The following ESPL1 variants were observed in gnomAD, a reference collection of about 807,000 sequenced individuals.
ESPL1 encodes extra spindle pole bodies like 1, separase, also known as separin.
ESPL1 carries 50 observed loss-of-function variants against 217.2 expected under a neutral mutation model. That is an observed-to-expected ratio of 0.23 (90% confidence interval 0.18 to 0.29). The LOEUF (loss-of-function observed/expected upper bound fraction) is 0.29. Among genes scored for constraint, ESPL1 ranks in the 10% least tolerant of loss-of-function variants. The pLI, the probability that ESPL1 is intolerant of heterozygous loss-of-function variation, is 1.00. For synonymous variants in ESPL1, 994 were observed against 1,081.3 expected, an observed-to-expected ratio of 0.92 and a Z score of 1.58; for missense variants, 1,834 against 2,603.0, an observed-to-expected ratio of 0.70 and a Z score of 6.43.
chr12:53,283,212 C>G lies in ESPL1; in HGVS notation c.2875C>G (p.Leu959Val), dbSNP rs1016790918. The change falls in exon 15 of 31, where the codon CTC becomes GTC. Residue 959 changes from leucine (L) to valine (V), a missense_variant. By Grantham distance (32) the Leu-to-Val change is conservative (BLOSUM62 1). Coordinates refer to ENST00000257934, the MANE Select transcript of ESPL1 (RefSeq NM_012291.5). ...CCTCCTGCTGATGGGCAGTGACATT[C>G]TCTCAACTCAGAAAGCAGCTGTGGA... ...IILLLMGSDI[L>V]STQKAAVETS... 4 of 1,614,206 alleles carry G rather than the reference C, an allele frequency of 2.5e-6. No homozygotes were observed. The highest frequency in any genetic ancestry group is 1.7e-6 in the Non-Finnish European group (2 of 1,180,030).
chr12:53,277,755 G>T, intron 10 of ESPL1, 66 bp from the exon 11 acceptor site: 1 of 1,593,516 alleles, frequency 6.3e-7, no homozygotes, highest in South Asian at 1.1e-5. Context: ...GGATGTTATG[G>T]AGGAAGGGAA....
At chr12:53,273,611 T>C (rs1489598378) in intron 6 of ESPL1, among the ~76,000 whole-genome samples, 2 of 150,662 alleles carry the variant, frequency 1.3e-5, no homozygotes, top group Non-Finnish European at 3.0e-5. Context: ...ATACAAACAT[T>C]AGCCAGGCGT....
Position 53,270,138 on chromosome 12 carries a change from C to T in ESPL1, c.1143+53C>T, listed in dbSNP as rs1053784080. On this transcript the variant is annotated intron_variant, in intron 3 of 30. Transcript: ENST00000257934. The stretch of plus-strand genomic sequence containing the variant: ...GGGACGTGGTCTGTGGACTCACTAC[C>T]AGCCTAGGGTATTTGGCAAGATCTG... 3.4e-6 allele frequency: 5 copies of T among 1,461,334 alleles called. No homozygotes were observed. In the Admixed American group the frequency reaches 5.8e-5, roughly 17 times the overall value. 90.5% of individuals were successfully genotyped at this position (1,461,334 alleles called of 1,614,324 possible). A position where few individuals can be genotyped will look rare whatever the true frequency, so the allele number is the denominator to read the frequency against.
chr12:53,291,656 G>A lies in ESPL1; in HGVS notation c.5521-34G>A, dbSNP rs186806737. 47 of 1,591,918 alleles carry A rather than the reference G, an allele frequency of 3.0e-5. No individual in the cohort carries two copies. The East Asian group carries it at 5.8e-4, about 20-fold the overall frequency. ...TCCTTTCCCAGCAGCTATCATGAATGAAGATGGTGCTCACCACCACTGTTT... is the reference window on the plus strand; with the variant it reads ...TCCTTTCCCAGCAGCTATCATGAATAAAGATGGTGCTCACCACCACTGTTT... On this transcript the variant is annotated intron_variant, in intron 25 of 30. Transcript: ENST00000257934.
chr12:53,278,087 G>GT, intron 11 of ESPL1, 127 bp downstream of exon 11: 1 of 942,474 alleles, frequency 1.1e-6, no homozygotes. Flanking sequence ...GCGCAGGGCT[G>GT]TATCACCAGT....
chr12:53,271,456 G>A (rs968341858), intron 5 of ESPL1, among the ~76,000 whole-genome samples: 3 of 151,928 alleles, frequency 2.0e-5, no homozygotes, highest in Non-Finnish European at 4.4e-5. Context: ...TCCTGGACTC[G>A]AGTGATCTGC....
Position 53,286,805 on chromosome 12 carries a change from G to T in ESPL1, c.4069G>T (p.Gly1357Cys). 6.2e-7 allele frequency: 1 copy of T among 1,614,134 alleles called. No individual in the cohort carries two copies. Among genetic ancestry groups the T allele is most frequent in the Non-Finnish European group, 8.5e-7 (1 of 1,180,038 alleles). ...PKPPDRIRQA[G>C]PHVPFTVFEE... ...ACCCCCAGACCGGATCAGGCAAGCT[G>T]GCCCTCATGTCCCCTTCACGGTGTT... Residue 1357 changes from glycine (G) to cysteine (C), a missense_variant, in exon 18 of 31, where the codon GGC becomes TGC. Coordinates refer to ENST00000257934, the MANE Select transcript of ESPL1 (RefSeq NM_012291.5). The surrounding 1 kb of genome is among the most constrained non-coding windows in gnomAD (Gnocchi z 5.3).
Position 53,270,507 on chromosome 12 carries a change from T to A in ESPL1, c.1248+25T>A, listed in dbSNP as rs1243274450. 8.8e-6 allele frequency: 14 copies of A among 1,587,808 alleles called. No individual in the cohort carries two copies. The East Asian group carries it at 3.1e-4, about 35-fold the overall frequency. On this transcript the variant is annotated intron_variant, in intron 4 of 30. Coordinates refer to ENST00000257934, the MANE Select transcript of ESPL1 (RefSeq NM_012291.5). ...GGTACTGTCTGGGAATCAAGGTACC[T>A]GGACTAGGCTCATAGGGTTTGGGGT...
chr12:53,291,624 G>A (rs1309620242), intron 25 of ESPL1, 66 bp from the exon 26 acceptor site: 46 of 1,510,626 alleles, frequency 3.0e-5, no homozygotes, highest in Non-Finnish European at 4.2e-5. Context: ...GAAGAAACTG[G>A]ACTTAATCCT....
In ESPL1 at chr12:53,268,774, G is replaced by A. The variant is rs1943612814; in HGVS notation, c.8G>A (p.Ser3Asn). 6.2e-7 allele frequency: 1 copy of A among 1,610,660 alleles called. No homozygotes were observed. Among genetic ancestry groups the A allele is most frequent in the South Asian group, 1.1e-5 (1 of 90,508 alleles). Residue 3 changes from serine (S) to asparagine (N), a missense_variant, in exon 2 of 31, where the codon AGC (serine) becomes AAC (asparagine). This residue lies in a region of ESPL1 where 746 missense variants were observed against 1,077.0 expected (regional missense o/e 0.69). Coordinates refer to ENST00000257934, the MANE Select transcript of ESPL1 (RefSeq NM_012291.5). MR[S>N]FKRVNFGTLL... is the part of the protein sequence containing the mutation. ...CCCTAGCTCTCCGGTGTCATGAGGA[G>A]CTTCAAAAGAGTCAACTTTGGGACT...
chr12:53,272,077 ACT>A (rs904372705), intron 5 of ESPL1, among the ~76,000 whole-genome samples: 8 of 109,100 alleles, frequency 7.3e-5, no homozygotes, highest in African/African-American at 2.0e-4. Flanking sequence ...ACAGAGCAAG[ACT>A]CTGTCTCAAA....
chr12:53,278,382 C>G (rs905656016), intron 11 of ESPL1, among the ~76,000 whole-genome samples: 1 of 151,372 alleles, frequency 6.6e-6, no homozygotes, highest in African/African-American at 2.4e-5. Context: ...GTGGCTGAGG[C>G]AGGAGAATCC....
At position 53,288,277 on chromosome 12, in the gene ESPL1, T is replaced by A. The variant is rs771406770; in HGVS notation, c.4482T>A (p.Thr1494=). ...IMRTIPEEEL[T]DNWRKMSFEI... is the part of the protein sequence containing the mutation. ...GGACCATCCCTGAGGAAGAACTGAC[T>A]GACAACTGGAGAAAAATGAGCTTTG... Residue 1494 remains threonine, a synonymous_variant, in exon 19 of 31, where the codon ACT becomes ACA. Transcript: ENST00000257934. 1 of 1,606,280 alleles carries A rather than the reference T, an allele frequency of 6.2e-7. No individual in the cohort carries two copies. The highest frequency in any genetic ancestry group is 1.1e-5 in the South Asian group (1 of 89,862).
chr12:53,290,309 G>A lies in ESPL1; in HGVS notation c.5242-38G>A, dbSNP rs763991927. On this transcript the variant is annotated intron_variant, in intron 23 of 30. Transcript: ENST00000257934. ...TGAGGGAGGGAGAGATGGTGATCAC[G>A]TGGACAAGCAGAGCTCTCACAGCCC... The A allele has an allele frequency of 1.5e-5, 24 of 1,610,566 alleles. No individual in the cohort carries two copies. In the Admixed American group the frequency reaches 2.0e-4, roughly 13 times the overall value.
At position 53,276,724 on chromosome 12, in the gene ESPL1, A is replaced by G; in HGVS notation, c.1805A>G (p.Glu602Gly). The change falls in exon 8 of 31, where the codon GAA becomes GGA. Residue 602 changes from glutamate (E) to glycine (G), a missense_variant. Glu to Gly is a moderately conservative substitution (Grantham distance 98). Transcript: ENST00000257934. Reference protein sequence around the residue: ...YKAVRADTGQERFNIICDLLE... With the variant: ...YKAVRADTGQGRFNIICDLLE... Reference sequence around the variant, plus strand: ...GCGGTGCGGGCCGACACTGGACAGGAACGCTTCAACATCATCTGTGACCTC... The same window carrying G: ...GCGGTGCGGGCCGACACTGGACAGGGACGCTTCAACATCATCTGTGACCTC... 6.2e-7 allele frequency: 1 copy of G among 1,613,514 alleles called. No homozygotes were observed. The highest frequency in any genetic ancestry group is 8.5e-7 in the Non-Finnish European group (1 of 1,180,026).
At chr12:53,290,580 C>T (rs1944037164) in intron 24 of ESPL1, 111 bp downstream of exon 24, 1 of 1,164,968 alleles carries the variant, frequency 8.6e-7, no homozygotes, top group South Asian at 1.4e-5. Context: ...CAAATCCCTT[C>T]TGGAAGTGTA....
At chr12:53,272,666 G>C in intron 5 of ESPL1, 55 bp from the exon 6 acceptor site, 1 of 1,590,558 alleles carries the variant, frequency 6.3e-7, no homozygotes. Flanking sequence ...CTCTCCAGGA[G>C]GAGAGGGTGG....
In ESPL1 at chr12:53,289,126, G is replaced by A; in HGVS notation, c.4745G>A (p.Ser1582Asn). 6.2e-7 allele frequency: 1 copy of A among 1,614,204 alleles called. No homozygotes were observed. The highest frequency in any genetic ancestry group is 8.5e-7 in the Non-Finnish European group (1 of 1,180,010). ...CTGGACTCCATCTGTGACTCCCTGA[G>A]TGTTGCTTTCCGGGGCATTAGTCAC... ...STLDSICDSL[S>N]VAFRGISHCP... Residue 1582 changes from serine to asparagine, a missense_variant, in exon 21 of 31, where the codon AGT (serine) becomes AAT (asparagine). By Grantham distance (46) the Ser-to-Asn change is conservative (BLOSUM62 1). Transcript: ENST00000257934.
At position 53,282,434 on chromosome 12, in the gene ESPL1, A is replaced by T. The variant is rs1592488581; in HGVS notation, c.2790A>T (p.Gln930His). 6.2e-7 allele frequency: 1 copy of T among 1,613,834 alleles called. No homozygotes were observed. Residue 930 changes from glutamine to histidine, a missense_variant and splice_region_variant, in exon 14 of 31, where the codon CAA (glutamine) becomes CAT (histidine). By Grantham distance (24) the Gln-to-His change is conservative. Around this residue, in one of 5 missense-constraint regions of ESPL1, gnomAD observed 107 missense variants for 171.7 expected, o/e 0.62. Coordinates refer to ENST00000257934, the MANE Select transcript of ESPL1 (RefSeq NM_012291.5). The surrounding 1 kb of genome is among the most constrained non-coding windows in gnomAD (Gnocchi z 4.0). ...SHSLWEQLCAQGWQTPEIALI... is the reference protein window; with the variant it reads ...SHSLWEQLCAHGWQTPEIALI... ...CCCTGTGGGAGCAGCTCTGTGCCCA[A>T]GGTGAAAGAATAGGGTGGATGGCCC... is the stretch of plus-strand genomic sequence containing the variant.
Sources: gnomAD v4.1 joint callset for allele counts (sites outside exome capture counted in the v4.1 genomes callset) on GRCh38, gnomAD v4.1.1 for gene constraint, gnomAD v4.1.1 regional missense constraint, Gnocchi (gnomAD v3.1) non-coding constraint, MANE v1.5 for transcripts, NCBI Gene and HGNC (gene_info 2026-07-23, HGNC 2026-07-21) for gene names.